DDX60L: variants seen among roughly 807,000 people sequenced by gnomAD.
DDX60L encodes DExD/H-box 60 like.
DDX60L carries 191 observed loss-of-function variants against 211.6 expected under a neutral mutation model. That is an observed-to-expected ratio of 0.90 (90% confidence interval 0.80 to 1.02). DDX60L has a LOEUF of 1.02. Among genes scored for constraint, DDX60L ranks in the 50% least tolerant of loss-of-function variants. DDX60L has a pLI of 0.00. For missense variants in DDX60L, 2,007 were observed against 1,984.1 expected, an observed-to-expected ratio of 1.01 and a Z score of -0.22; for synonymous variants, 706 against 694.1, an observed-to-expected ratio of 1.02 and a Z score of -0.27.
chr4:168,380,562 C>T (rs866938557), intron 30 of DDX60L: 2 of 152,344 alleles, frequency 1.3e-5, no homozygotes, highest in South Asian at 4.1e-4. Context: ...CCTGTACAGC[C>T]TGCAGAACCA....
intron 1 of DDX60L, 37 bp from the exon 2 acceptor site, chr4:168,472,846 TA>T (rs1321682832): frequency 8.4e-6 from 7 of 836,580 alleles, no homozygotes; most frequent in Admixed American, 2.9e-5. Context: ...CAGTTATTCC[TA>T]AAACAAAGAA....
Position 168,394,552 on chromosome 4 carries a change from T to TGCTAAAGCCTTCAGTTCTTTGC in DDX60L, c.3701_3722dup (p.Gly1244ThrfsTer19), listed in dbSNP as rs1161466444. 1 of 1,613,798 alleles carries TGCTAAAGCCTTCAGTTCTTTGC rather than the reference T, an allele frequency of 6.2e-7. No individual in the cohort carries two copies. Among genetic ancestry groups the TGCTAAAGCCTTCAGTTCTTTGC allele is most frequent in the Non-Finnish European group, 8.5e-7 (1 of 1,179,708 alleles). On this transcript the variant is annotated frameshift_variant, in exon 28 of 38. Coordinates refer to ENST00000682922, the MANE Select transcript of DDX60L (RefSeq NM_001012967.3). LOFTEE classifies it high-confidence loss of function. The stretch of plus-strand genomic sequence containing the variant: ...TGTGATGATATCCAATCCCCCTTTG[T>TGCTAAAGCCTTCAGTTCTTTGC]GCTAAAGCCTTCAGTTCTTTGCCGT...
In DDX60L at chr4:168,427,162, G is replaced by A. The variant is rs1751589271; in HGVS notation, c.1838C>T (p.Thr613Ile). The change falls in exon 14 of 38, where the codon ACA becomes ATA. Residue 613 changes from threonine (T) to isoleucine (I), a missense_variant. Transcript: ENST00000682922. Reference sequence around the variant, plus strand: ...TTTCACTGAATTACTTGCACATGATGTCAAATAATCTTCCAATTTCCTTAT... The same window carrying A: ...TTTCACTGAATTACTTGCACATGATATCAAATAATCTTCCAATTTCCTTAT... ...SGIRKLEDYL[T>I]SCASNSVKFG... 1 of 1,610,966 alleles carries A rather than the reference G, an allele frequency of 6.2e-7. No homozygotes were observed.
intron 9 of DDX60L, among the ~76,000 whole-genome samples, chr4:168,443,146 G>A (rs2150008835): frequency 6.6e-6 from 1 of 151,588 alleles, no homozygotes. Flanking sequence ...TTAGACGAAT[G>A]TACAACTAGA....
chr4:168,435,826 A>T (rs1296161199), intron 10 of DDX60L, among the ~76,000 whole-genome samples: 2 of 152,218 alleles, frequency 1.3e-5, no homozygotes, highest in Non-Finnish European at 2.9e-5. Flanking sequence ...GTGAATAAGA[A>T]GTAGACACTA....
At chr4:168,410,093 C>A (rs1387448424) in intron 22 of DDX60L, among the ~76,000 whole-genome samples, 1 of 151,708 alleles carries the variant, frequency 6.6e-6, no homozygotes, top group Non-Finnish European at 1.5e-5. Flanking sequence ...TGAAAAAGTG[C>A]AAAATTTTTC....
At chr4:168,425,064 A>T (rs1360255588) in intron 14 of DDX60L, among the ~76,000 whole-genome samples, 1 of 152,228 alleles carries the variant, frequency 6.6e-6, no homozygotes. Context: ...ACATAACTTT[A>T]AGAATACAAC....
At chr4:168,371,809 G>A (rs1475402924) in intron 35 of DDX60L, 46 bp from the exon 36 acceptor site, 1 of 1,480,644 alleles carries the variant, frequency 6.8e-7, no homozygotes, top group Non-Finnish European at 9.2e-7. Context: ...TATGTAAAGA[G>A]TAACTGTTTG....
intron 36 of DDX60L, among the ~76,000 whole-genome samples, chr4:168,364,912 T>C (rs1158764050): frequency 6.6e-6 from 1 of 151,916 alleles, no homozygotes; most frequent in African/African-American, 2.4e-5. Flanking sequence ...ATTAAACAAC[T>C]ACTCTTAAAA....
Position 168,357,927 on chromosome 4 carries a change from A to G in DDX60L, c.*220T>C. The G allele has an allele frequency of 2.3e-6, 1 of 432,152 alleles. No homozygotes were observed. The allele number at this position is 432,152 out of a possible 1,614,324, so 26.8% of individuals were successfully genotyped here. On this transcript the variant is annotated 3_prime_UTR_variant, in exon 38 of 38. Coordinates refer to ENST00000682922, the MANE Select transcript of DDX60L (RefSeq NM_001012967.3). ...TTTAATCCTCAAAACAACTAGAGGT[A>G]TTCATTTTTACTCCGGTTTTGCCAA...
intron 1 of DDX60L, 49 bp from the exon 2 acceptor site, chr4:168,472,858 A>G: frequency 1.4e-6 from 1 of 720,314 alleles, no homozygotes; most frequent in Non-Finnish European, 2.3e-6. Flanking sequence ...AAACAAAGAA[A>G]TGGACCCAAA....
At chr4:168,440,907 T>G (rs749566238) in intron 10 of DDX60L, among the ~76,000 whole-genome samples, 1 of 152,120 alleles carries the variant, frequency 6.6e-6, no homozygotes, top group Non-Finnish European at 1.5e-5. Flanking sequence ...CAGGAATGTC[T>G]CAGACATTAT....
chr4:168,390,528 G>C (rs1744616142), intron 29 of DDX60L: 1 of 1,419,644 alleles, frequency 7.0e-7, no homozygotes, highest in South Asian at 1.6e-5. Flanking sequence ...GAGTTCACAT[G>C]ATCTAAATTT....
In DDX60L at chr4:168,449,575, C is replaced by T. The variant is rs185449348; in HGVS notation, c.997-796G>A. Among the ~76,000 whole-genome samples, 608 of 115,946 alleles carry T rather than the reference C, an allele frequency of 5.2e-3. 5 individuals are homozygous for T. The highest frequency in any genetic ancestry group is 0.019 in the African/African-American group (534 of 27,608). 76.1% of individuals were successfully genotyped at this position (115,946 alleles called of 152,430 possible). A position where few individuals can be genotyped will look rare whatever the true frequency, so the allele number is the denominator to read the frequency against. The stretch of plus-strand genomic sequence containing the variant: ...GCACATGTATACATATGTAACTAAC[C>T]TGCACAATGTGCACATGTACCCTAA... On this transcript the variant is annotated intron_variant, in intron 8 of 37. Coordinates refer to ENST00000682922, the MANE Select transcript of DDX60L (RefSeq NM_001012967.3).
At chr4:168,419,266 C>T in intron 19 of DDX60L, 36 bp downstream of exon 19, 1 of 1,458,170 alleles carries the variant, frequency 6.9e-7, no homozygotes, top group Non-Finnish European at 9.4e-7. Context: ...TGTATGCAGA[C>T]TAGAACATCA....
chr4:168,449,665 A>AAAAAAAAAAAAAAAAC (rs1755474696), intron 8 of DDX60L, among the ~76,000 whole-genome samples: 1 of 28,500 alleles, frequency 3.5e-5, no homozygotes, highest in African/African-American at 2.1e-4. Context: ...AAAAAAAAAA[A>AAAAAAAAAAAAAAAAC]GAAAAAAGAA....
intron 13 of DDX60L, among the ~76,000 whole-genome samples, chr4:168,428,052 C>A (rs763748008): frequency 4.6e-5 from 7 of 152,196 alleles, no homozygotes; most frequent in Non-Finnish European, 7.3e-5. Flanking sequence ...CAGGGCTTGG[C>A]AAAGCAAAGG....
intron 37 of DDX60L, among the ~76,000 whole-genome samples, chr4:168,358,702 T>C (rs2149579272): frequency 6.6e-6 from 1 of 152,048 alleles, no homozygotes; most frequent in East Asian, 1.9e-4. Flanking sequence ...ATATTTTTAG[T>C]AGCGACAGGG....
intron 9 of DDX60L, 59 bp from the exon 10 acceptor site, chr4:168,441,551 G>C (rs1169918208): frequency 7.3e-7 from 1 of 1,367,314 alleles, no homozygotes; most frequent in Non-Finnish European, 1.0e-6. Flanking sequence ...GACACACACA[G>C]AGCATCTTTT....
Sources: allele counts gnomAD v4.1 joint callset (sites outside exome capture counted in the v4.1 genomes callset), GRCh38; gene constraint gnomAD v4.1.1; transcripts MANE v1.5; gene names NCBI Gene and HGNC (gene_info 2026-07-23, HGNC 2026-07-21).